RBFOX1: variants seen among roughly 807,000 people sequenced by gnomAD.
RBFOX1 encodes the protein RNA binding fox-1 homolog 1.
Under a neutral mutation model 57.7 loss-of-function variants are expected in RBFOX1, and 8 were observed. That is an observed-to-expected ratio of 0.14 (90% CI 0.08 to 0.25). The LOEUF is 0.25. Among genes scored for constraint, RBFOX1 ranks in the 10% least tolerant of loss-of-function variants. RBFOX1 has a pLI of 1.00. For missense variants in RBFOX1, 611 were observed against 548.5 expected, an observed-to-expected ratio of 1.11 and a Z score of -1.14; for synonymous variants, 326 against 222.4, an observed-to-expected ratio of 1.47 and a Z score of -4.15.
intron 1 of RBFOX1, among the ~76,000 whole-genome samples, chr16:6,262,739 C>T (rs2097708865): frequency 6.6e-6 from 1 of 152,096 alleles, no homozygotes; most frequent in Non-Finnish European, 1.5e-5. Context: ...GATGTCTCTG[C>T]CAGCTGGGAT....
chr16:7,267,652 C>T (rs34967986), intron 4 of RBFOX1, among the ~76,000 whole-genome samples: 12,199 of 148,230 alleles, frequency 0.082, 690 homozygotes, highest in Middle Eastern at 0.12. Flanking sequence ...GTCAGGAGTT[C>T]GAGACCAGCC....
intron 1 of RBFOX1, among the ~76,000 whole-genome samples, chr16:6,289,059 C>T (rs2077187903): frequency 6.6e-6 from 1 of 152,004 alleles, no homozygotes; most frequent in African/African-American, 2.4e-5. Context: ...CCAACTATGC[C>T]CTTGATTTGT....
intron 2 of RBFOX1, among the ~76,000 whole-genome samples, chr16:6,511,505 T>G (rs143156358): frequency 1.4e-3 from 213 of 152,346 alleles, no homozygotes; most frequent in South Asian, 6.0e-3. Context: ...TTAGTTTTCA[T>G]GTCTGCAGAG....
At chr16:7,693,377 G>A (rs750540226) in intron 14 of RBFOX1, 94 of 1,583,450 alleles carry the variant, frequency 5.9e-5, no homozygotes, top group Non-Finnish European at 7.5e-5. Flanking sequence ...GGTAACAAAC[G>A]TTGCTACTTC....
chr16:7,303,088 C>T (rs943998031), intron 4 of RBFOX1, among the ~76,000 whole-genome samples: 2 of 152,238 alleles, frequency 1.3e-5, no homozygotes, highest in South Asian at 2.1e-4. Flanking sequence ...AGCCCCCTTC[C>T]AGTCGCCCCG....
intron 2 of RBFOX1, among the ~76,000 whole-genome samples, chr16:5,586,854 G>A (rs1310136650): frequency 1.3e-5 from 2 of 152,182 alleles, no homozygotes; most frequent in African/African-American, 4.8e-5. Flanking sequence ...GCATTGATGA[G>A]GTTTGGACCA....
chr16:6,188,614 C>G (rs1482309130), intron 1 of RBFOX1, among the ~76,000 whole-genome samples: 2 of 152,042 alleles, frequency 1.3e-5, no homozygotes, highest in Non-Finnish European at 2.9e-5. Flanking sequence ...CTCCTTGTTT[C>G]CCAGCTACCA....
intron 1 of RBFOX1, among the ~76,000 whole-genome samples, chr16:5,358,499 A>C (rs1010575604): frequency 2.6e-5 from 4 of 152,170 alleles, no homozygotes; most frequent in Non-Finnish European, 5.9e-5. Context: ...TGCAATGTGT[A>C]ATAATCACAT....
At chr16:5,742,972 G>C (rs968526109) in intron 3 of RBFOX1, among the ~76,000 whole-genome samples, 17 of 152,134 alleles carry the variant, frequency 1.1e-4, no homozygotes, top group Non-Finnish European at 7.4e-5. Flanking sequence ...ACGTGTGCTG[G>C]GTCAGGCAGG....
chr16:7,311,512 C>T (rs1279083160), intron 4 of RBFOX1, among the ~76,000 whole-genome samples: 2 of 106,864 alleles, frequency 1.9e-5, no homozygotes, highest in African/African-American at 3.5e-5. Flanking sequence ...TCGATGTTTG[C>T]TCAGGATTCG....
At chr16:7,532,782 A>G (rs543468064) in intron 5 of RBFOX1, among the ~76,000 whole-genome samples, 2 of 152,336 alleles carry the variant, frequency 1.3e-5, no homozygotes, top group South Asian at 2.1e-4. Context: ...CTTTTGCATG[A>G]TGACAGCAAC....
At chr16:5,809,541 G>T (rs1403530030) in intron 3 of RBFOX1, among the ~76,000 whole-genome samples, 2 of 152,176 alleles carry the variant, frequency 1.3e-5, no homozygotes, top group African/African-American at 4.8e-5. Flanking sequence ...CTCAAAAGAA[G>T]ACATTTATGC....
intron 4 of RBFOX1, among the ~76,000 whole-genome samples, chr16:7,074,131 T>C (rs1449958257): frequency 1.3e-5 from 2 of 152,202 alleles, no homozygotes; most frequent in African/African-American, 4.8e-5. Flanking sequence ...GGAAATGTTT[T>C]GTCCACTGAT....
At chr16:7,037,368 A>G (rs778913544) in intron 3 of RBFOX1, among the ~76,000 whole-genome samples, 8 of 150,400 alleles carry the variant, frequency 5.3e-5, no homozygotes, top group Non-Finnish European at 8.8e-5. Context: ...CAGCCTCCCA[A>G]GTAGCTGGGA....
chr16:7,189,643 T>C (rs2084888518), intron 4 of RBFOX1, among the ~76,000 whole-genome samples: 1 of 151,934 alleles, frequency 6.6e-6, no homozygotes, highest in South Asian at 2.1e-4. Flanking sequence ...TATCTGTATC[T>C]CATTTTCCCT....
chr16:7,397,659 G>A (rs190265593), intron 4 of RBFOX1, among the ~76,000 whole-genome samples: 1 of 152,192 alleles, frequency 6.6e-6, no homozygotes, highest in African/African-American at 2.4e-5. Flanking sequence ...GATGACACAT[G>A]ATTCAGAAGC....
At chr16:7,089,003 G>A (rs906892925) in intron 4 of RBFOX1, among the ~76,000 whole-genome samples, 1 of 152,104 alleles carries the variant, frequency 6.6e-6, no homozygotes, top group African/African-American at 2.4e-5. Flanking sequence ...TGAATTCTTT[G>A]TTAATCACAT....
At chr16:6,874,930 T>G (rs1225221422) in intron 3 of RBFOX1, among the ~76,000 whole-genome samples, 2 of 152,082 alleles carry the variant, frequency 1.3e-5, no homozygotes, top group Admixed American at 1.3e-4. Flanking sequence ...AGAAAAACAT[T>G]GTTGAAAAGA....
At chr16:6,948,229 C>G (rs974482083) in intron 3 of RBFOX1, among the ~76,000 whole-genome samples, 6 of 151,874 alleles carry the variant, frequency 4.0e-5, no homozygotes, top group African/African-American at 1.2e-4. Context: ...CTGAGGCATT[C>G]AAGACCAGCC....
Sources: allele counts gnomAD v4.1 joint callset (sites outside exome capture counted in the v4.1 genomes callset), GRCh38; gene constraint gnomAD v4.1.1; transcripts MANE v1.5; gene names NCBI Gene and HGNC (gene_info 2026-07-23, HGNC 2026-07-21).